CSMD1: variants seen among roughly 807,000 people sequenced by gnomAD.
The protein encoded by CSMD1 is CUB and sushi domain-containing protein 1.
CSMD1 carries 213 observed loss-of-function variants against 417.5 expected under a neutral mutation model. The ratio of observed to expected loss-of-function variants is 0.51; its 90% CI spans 0.46 to 0.57. CSMD1 has a LOEUF of 0.57. Ranked by LOEUF, CSMD1 falls within the 20% of genes least tolerant of loss-of-function variation. CSMD1 has a pLI of 0.00. For synonymous variants in CSMD1, 2,862 were observed against 1,736.8 expected, an observed-to-expected ratio of 1.65 and a Z score of -16.11; for missense variants, 6,923 against 4,529.7, an observed-to-expected ratio of 1.53 and a Z score of -15.17.
intron 1 of CSMD1, among the ~76,000 whole-genome samples, chr8:4,911,593 C>G (rs1460321081): frequency 6.6e-6 from 1 of 152,184 alleles, no homozygotes; most frequent in Non-Finnish European, 1.5e-5. Flanking sequence ...GATCTCAGAG[C>G]TCTCCTGACA....
At chr8:3,100,378 T>A (rs1815647258) in intron 46 of CSMD1, among the ~76,000 whole-genome samples, 2 of 152,226 alleles carry the variant, frequency 1.3e-5, no homozygotes, top group Non-Finnish European at 2.9e-5. Context: ...TGTTTTCTTG[T>A]GTTTCTTCTG....
chr8:4,331,268 G>A (rs954544474), intron 3 of CSMD1, among the ~76,000 whole-genome samples: 4 of 152,114 alleles, frequency 2.6e-5, no homozygotes, highest in African/African-American at 9.7e-5. Context: ...CAGGGAACTC[G>A]GTGACACAAG....
intron 1 of CSMD1, among the ~76,000 whole-genome samples, chr8:4,875,335 G>T (rs999978860): frequency 6.6e-6 from 1 of 152,056 alleles, no homozygotes; most frequent in Non-Finnish European, 1.5e-5. Flanking sequence ...ACATGCGACG[G>T]TTATTGAATA....
chr8:3,973,317 G>C (rs1415019223), intron 5 of CSMD1, among the ~76,000 whole-genome samples: 3 of 152,124 alleles, frequency 2.0e-5, no homozygotes. Context: ...AATATCAGTT[G>C]AATGTCTGCA....
At chr8:3,485,565 GGA>G (rs1303795708) in intron 11 of CSMD1, among the ~76,000 whole-genome samples, 4 of 116,588 alleles carry the variant, frequency 3.4e-5, no homozygotes, top group Admixed American at 8.7e-5. Context: ...AGAGAGAGAG[GGA>G]GAGAGAGAAA....
At chr8:3,752,926 G>A (rs138606690) in intron 6 of CSMD1, among the ~76,000 whole-genome samples, 1 of 152,154 alleles carries the variant, frequency 6.6e-6, no homozygotes, top group Non-Finnish European at 1.5e-5. Context: ...TAAGATAACA[G>A]ATATTTAGAC....
At chr8:4,644,947 ATC>A (rs1414438759) in intron 1 of CSMD1, among the ~76,000 whole-genome samples, 3 of 152,214 alleles carry the variant, frequency 2.0e-5, no homozygotes, top group Admixed American at 6.5e-5. Context: ...GACAAATTAA[ATC>A]TCTGTGCACA....
intron 5 of CSMD1, among the ~76,000 whole-genome samples, chr8:3,894,085 G>A (rs555488229): frequency 6.6e-6 from 1 of 152,252 alleles, no homozygotes; most frequent in South Asian, 2.1e-4. Context: ...GCCGTTAATT[G>A]TCTCTTTCAC....
At chr8:4,244,404 T>C (rs897583332) in intron 3 of CSMD1, among the ~76,000 whole-genome samples, 2 of 152,190 alleles carry the variant, frequency 1.3e-5, no homozygotes, top group Non-Finnish European at 2.9e-5. Flanking sequence ...TAGATCTTCA[T>C]AAAACTAGTA....
intron 5 of CSMD1, among the ~76,000 whole-genome samples, chr8:3,996,535 G>C (rs1221621747): frequency 6.6e-6 from 1 of 151,912 alleles, no homozygotes; most frequent in South Asian, 2.1e-4. Flanking sequence ...TATAACTTAG[G>C]TTATCCACCT....
chr8:3,616,291 T>G (rs548020017), intron 8 of CSMD1, among the ~76,000 whole-genome samples: 58 of 152,250 alleles, frequency 3.8e-4, no homozygotes, highest in Non-Finnish European at 5.4e-4. Flanking sequence ...GAGTGAGTTC[T>G]CATGAGATCT....
intron 7 of CSMD1, among the ~76,000 whole-genome samples, chr8:3,672,733 A>T (rs1230291054): frequency 6.6e-6 from 1 of 152,096 alleles, no homozygotes; most frequent in African/African-American, 2.4e-5. Flanking sequence ...GCCATGGTGG[A>T]TGTATTTAAA....
At chr8:4,861,546 T>A (rs1802132197) in intron 1 of CSMD1, among the ~76,000 whole-genome samples, 4 of 152,110 alleles carry the variant, frequency 2.6e-5, no homozygotes, top group African/African-American at 9.7e-5. Context: ...CATAGGTGGA[T>A]GTTACGAAGA....
At chr8:4,531,369 G>T (rs746784530) in intron 2 of CSMD1, among the ~76,000 whole-genome samples, 2 of 152,050 alleles carry the variant, frequency 1.3e-5, no homozygotes, top group Admixed American at 1.3e-4. Context: ...TTGTATCTTG[G>T]GTATTGGAAA....
intron 26 of CSMD1, among the ~76,000 whole-genome samples, chr8:3,251,315 T>C (rs917324644): frequency 1.6e-4 from 25 of 152,192 alleles, no homozygotes; most frequent in Admixed American, 5.2e-4. Flanking sequence ...ATTTATTAAA[T>C]AGGGAATCCT....
intron 5 of CSMD1, among the ~76,000 whole-genome samples, chr8:3,966,353 C>G (rs933955810): frequency 7.2e-5 from 11 of 152,086 alleles, no homozygotes; most frequent in African/African-American, 2.7e-4. Context: ...TTCACTCTCC[C>G]AAATTTATAA....
chr8:4,346,903 G>T (rs1299597586), intron 3 of CSMD1, among the ~76,000 whole-genome samples: 2 of 151,988 alleles, frequency 1.3e-5, no homozygotes, highest in African/African-American at 4.8e-5. Flanking sequence ...AACCTGGCTG[G>T]ACCTCAATCT....
At chr8:3,640,436 T>A (rs1311596942) in intron 7 of CSMD1, among the ~76,000 whole-genome samples, 1 of 152,242 alleles carries the variant, frequency 6.6e-6, no homozygotes, top group Non-Finnish European at 1.5e-5. Context: ...ATCTTTCCTA[T>A]GTCCTCGGAC....
chr8:4,668,401 C>G (rs1010649568), intron 1 of CSMD1, among the ~76,000 whole-genome samples: 5 of 146,840 alleles, frequency 3.4e-5, no homozygotes, highest in African/African-American at 1.0e-4. Flanking sequence ...CTCTAACTTG[C>G]TTTTGATGTT....
Sources: allele counts gnomAD v4.1 joint callset (sites outside exome capture counted in the v4.1 genomes callset), GRCh38; gene constraint gnomAD v4.1.1; transcripts MANE v1.5; gene names NCBI Gene and HGNC (gene_info 2026-07-23, HGNC 2026-07-21).